The following DNAH7 variants were observed in gnomAD, a reference collection of about 807,000 sequenced individuals.
DNAH7 encodes the protein dynein axonemal heavy chain 7.
Under a neutral mutation model 444.6 loss-of-function variants are expected in DNAH7, and 397 were observed. The observed-to-expected ratio is 0.89, with a 90% confidence interval of 0.82 to 0.97. The LOEUF (loss-of-function observed/expected upper bound fraction) is 0.97. Ranked by LOEUF, DNAH7 falls within the 50% of genes least tolerant of loss-of-function variation. DNAH7 has a pLI of 0.00. For missense variants in DNAH7, 4,902 were observed against 4,800.8 expected, an observed-to-expected ratio of 1.02 and a Z score of -0.62; for synonymous variants, 1,636 against 1,624.4, an observed-to-expected ratio of 1.01 and a Z score of -0.17.
At position 195,943,240 on chromosome 2, in the gene DNAH7, C is replaced by T. The variant is rs541600646; in HGVS notation, c.3079-6448G>A. Among the ~76,000 whole-genome samples the T allele has an allele frequency of 1.3e-3, 204 of 152,214 alleles. 2 individuals are homozygous for T. The highest frequency in any genetic ancestry group is 4.4e-3 in the African/African-American group (183 of 41,536). ...TCTTTATTAGCAGCATGAGAACAGA[C>T]GAACATACACAGATAGAGCAAATTA... On this transcript the variant is annotated intron_variant, in intron 19 of 64. Coordinates refer to ENST00000312428, the MANE Select transcript of DNAH7 (RefSeq NM_018897.3).
intron 61 of DNAH7, among the ~76,000 whole-genome samples, chr2:195,759,561 C>T (rs1250657737): frequency 2.0e-5 from 3 of 152,134 alleles, no homozygotes; most frequent in Non-Finnish European, 4.4e-5. Flanking sequence ...ACCAGCTTGA[C>T]TGCTACAGTG....
At chr2:196,017,672 C>A (rs1181784698) in intron 9 of DNAH7, among the ~76,000 whole-genome samples, 1 of 151,116 alleles carries the variant, frequency 6.6e-6, no homozygotes, top group Non-Finnish European at 1.5e-5. Flanking sequence ...AAGAGTTAAT[C>A]CATGACAAAG....
chr2:196,039,731 G>C (rs954886037), intron 5 of DNAH7, among the ~76,000 whole-genome samples: 11 of 151,540 alleles, frequency 7.3e-5, no homozygotes, highest in African/African-American at 2.7e-4. Context: ...CCCAGGAGGT[G>C]GAGGTTGGAG....
At chr2:196,064,758 C>T (rs1001195321) in intron 1 of DNAH7, among the ~76,000 whole-genome samples, 2 of 152,122 alleles carry the variant, frequency 1.3e-5, no homozygotes, top group African/African-American at 4.8e-5. Context: ...CCCATTAATA[C>T]GTTTCTCAAT....
At chr2:196,051,137 A>G (rs1318153087) in intron 3 of DNAH7, 50 bp downstream of exon 3, 1 of 1,525,342 alleles carries the variant, frequency 6.6e-7, no homozygotes, top group Admixed American at 1.7e-5. Flanking sequence ...AAACTAATAA[A>G]CATTTTTTGA....
chr2:195,791,820 C>T (rs1465460332), intron 57 of DNAH7, among the ~76,000 whole-genome samples: 1 of 152,146 alleles, frequency 6.6e-6, no homozygotes, highest in Non-Finnish European at 1.5e-5. Context: ...CCAAATACTG[C>T]ATCTTCTCAC....
chr2:195,855,906 T>A lies in DNAH7; in HGVS notation c.8500A>T (p.Lys2834Ter), dbSNP rs1375528780. ...TGAACTTCCTTAAGGGCTGCCTGCT[T>A]CTTTCTAAGACCATCCATGGCAATT... ...LKIAMDGLRK[K>*]QAALKEVQDK... Residue 2834 changes from lysine (K) to a stop codon, truncating the protein, a stop_gained, in exon 45 of 65, where the codon AAG becomes TAG. Coordinates refer to ENST00000312428, the MANE Select transcript of DNAH7 (RefSeq NM_018897.3). LOFTEE classifies it high-confidence loss of function. 6.2e-7 allele frequency: 1 copy of A among 1,614,118 alleles called. No homozygotes were observed. Among genetic ancestry groups the A allele is most frequent in the Non-Finnish European group, 8.5e-7 (1 of 1,179,994 alleles).
chr2:195,828,611 T>TATATATATATA (rs1491404849), intron 48 of DNAH7, among the ~76,000 whole-genome samples: 1 of 69,366 alleles, frequency 1.4e-5, no homozygotes, highest in African/African-American at 5.0e-5. Flanking sequence ...TATATATATA[T>TATATATATATA]TTTTTTTTTT....
chr2:196,033,775 A>ATACTAATT (rs1276289698), intron 5 of DNAH7, among the ~76,000 whole-genome samples: 2 of 152,210 alleles, frequency 1.3e-5, no homozygotes, highest in Admixed American at 1.3e-4. Context: ...TCTCTTGAAC[A>ATACTAATT]TACTAATTTC....
intron 24 of DNAH7, among the ~76,000 whole-genome samples, chr2:195,911,175 C>A (rs543517643): frequency 3.3e-5 from 5 of 152,214 alleles, no homozygotes; most frequent in African/African-American, 1.2e-4. Context: ...ATATAAATGG[C>A]GTCCTACTCT....
chr2:196,020,168 T>A (rs190442608), intron 8 of DNAH7, among the ~76,000 whole-genome samples: 7 of 151,058 alleles, frequency 4.6e-5, no homozygotes, highest in Non-Finnish European at 8.9e-5. Context: ...ATATAACACA[T>A]AAAATATGTT....
chr2:195,911,099 GGA>G (rs1160094505), intron 24 of DNAH7, among the ~76,000 whole-genome samples: 2 of 152,178 alleles, frequency 1.3e-5, no homozygotes, highest in Admixed American at 6.5e-5. Context: ...AGTTCAAACA[GGA>G]GAGAGAGATC....
At chr2:195,825,794 G>C (rs1199506472) in intron 48 of DNAH7, among the ~76,000 whole-genome samples, 5 of 152,148 alleles carry the variant, frequency 3.3e-5, no homozygotes, top group Non-Finnish European at 7.3e-5. Flanking sequence ...GGAAGGAAGG[G>C]GCTCAGGGTG....
intron 57 of DNAH7, among the ~76,000 whole-genome samples, chr2:195,791,238 C>A (rs539529757): frequency 6.6e-6 from 1 of 151,968 alleles, no homozygotes; most frequent in Non-Finnish European, 1.5e-5. Flanking sequence ...GAGGTGAAGG[C>A]GCGTGGATCA....
chr2:196,046,992 T>G (rs1575097688), intron 5 of DNAH7, among the ~76,000 whole-genome samples: 1 of 152,042 alleles, frequency 6.6e-6, no homozygotes, highest in East Asian at 1.9e-4. Flanking sequence ...CCAATTCCTT[T>G]TCTATACAAG....
At chr2:195,834,470 AT>A in intron 47 of DNAH7, 110 bp from the exon 48 acceptor site, 2 of 1,224,816 alleles carry the variant, frequency 1.6e-6, no homozygotes, top group Non-Finnish European at 2.2e-6. Context: ...TTATTGTAAT[AT>A]TTTACTTTTT....
intron 18 of DNAH7, among the ~76,000 whole-genome samples, chr2:195,957,798 G>A (rs1000135181): frequency 6.6e-6 from 1 of 151,830 alleles, no homozygotes; most frequent in African/African-American, 2.4e-5. Context: ...TACACGTTAA[G>A]ATATACTTAT....
At chr2:195,933,665 C>T (rs1333149133) in intron 21 of DNAH7, among the ~76,000 whole-genome samples, 8 of 149,200 alleles carry the variant, frequency 5.4e-5, no homozygotes, top group South Asian at 2.1e-4. Flanking sequence ...AACCAAACAC[C>T]GCATGTTCTC....
intron 48 of DNAH7, among the ~76,000 whole-genome samples, chr2:195,828,848 T>C (rs1164526361): frequency 1.3e-5 from 2 of 152,078 alleles, no homozygotes; most frequent in Non-Finnish European, 2.9e-5. Flanking sequence ...GTTTAATTTA[T>C]AGTGCATCAA....
Sources: gnomAD v4.1 joint callset for allele counts (sites outside exome capture counted in the v4.1 genomes callset) on GRCh38, gnomAD v4.1.1 for gene constraint, MANE v1.5 for transcripts, NCBI Gene and HGNC (gene_info 2026-07-23, HGNC 2026-07-21) for gene names.